BST1: variants seen among roughly 807,000 people sequenced by gnomAD.
The protein encoded by BST1 is bone marrow stromal cell antigen 1.
A neutral mutation model predicts 40.6 loss-of-function variants in BST1; 49 were observed. The ratio of observed to expected loss-of-function variants is 1.21; its 90% CI spans 0.96 to 1.53. The LOEUF is 1.53. BST1 is among the 40% of genes most tolerant of loss of function. The probability of loss-of-function intolerance (pLI) is 0.00; values close to 1 mark genes in which losing one functional copy is unlikely to be tolerated. For missense variants in BST1, 423 were observed against 395.9 expected (o/e 1.07, Z -0.58); for synonymous variants, 157 against 159.3 (o/e 0.99, Z 0.11).
the BST1 span, among the ~76,000 whole-genome samples, chr4:15,767,443 A>C: frequency 6.6e-6 from 1 of 151,932 alleles, no homozygotes; most frequent in Non-Finnish European, 1.5e-5. Flanking sequence ...AGCTGGGACT[A>C]CAGGCACGTG....
chr4:15,773,916 C>T, the BST1 span, among the ~76,000 whole-genome samples: 64 of 152,176 alleles, frequency 4.2e-4, no homozygotes, highest in Non-Finnish European at 7.9e-4. Flanking sequence ...TTTTTTTCTC[C>T]GTTATATTTA....
rs2302468 is a variant in BST1 at position 15,703,251 on chromosome 4, G to C, written c.107G>C (p.Gly36Ala). Reference protein sequence around the residue: ...AAGGARARWRGEGTSAHLRDI... With the variant: ...AAGGARARWRAEGTSAHLRDI... The stretch of plus-strand genomic sequence containing the variant: ...GGCGGGGCGCGCGCGCGGTGGCGCG[G>C]GGAGGGCACCAGCGCACACTTGCGG... The change falls in exon 1 of 9, where the codon GGG becomes GCG. Residue 36 changes from glycine (G) to alanine (A), a missense_variant. Gly to Ala is a moderately conservative substitution (Grantham distance 60). Transcript: ENST00000265016. 28,081 of 1,541,998 alleles carry C rather than the reference G, an allele frequency of 0.018. 1,583 individuals are homozygous for C. The East Asian group carries it at 0.22, about 12-fold the overall frequency.
chr4:15,707,870 T>TATAC (rs1719978807), intron 3 of BST1, among the ~76,000 whole-genome samples: 1 of 146,470 alleles, frequency 6.8e-6, no homozygotes, highest in South Asian at 2.1e-4. Flanking sequence ...TATATATATA[T>TATAC]ATATACACAT....
the BST1 span, among the ~76,000 whole-genome samples, chr4:15,754,040 G>A: frequency 6.6e-6 from 1 of 152,208 alleles, no homozygotes; most frequent in Admixed American, 6.5e-5. Flanking sequence ...CCAGGGCAGA[G>A]AGCCAAAGGG....
intron 4 of BST1, among the ~76,000 whole-genome samples, chr4:15,714,012 AT>A (rs368657775): frequency 1.4e-3 from 201 of 148,658 alleles, no homozygotes; most frequent in South Asian, 2.5e-3. Flanking sequence ...CTCTGCACAC[AT>A]TTTTTTTTTA....
exon 7 of BST1, chr4:15,737,886 G>A: frequency 8.7e-7 from 1 of 1,153,268 alleles, no homozygotes; most frequent in Non-Finnish European, 1.2e-6. Flanking sequence ...AATCTCCAGA[G>A]GCTCTGGCAA....
chr4:15,764,546 A>C, the BST1 span, among the ~76,000 whole-genome samples: 2 of 152,018 alleles, frequency 1.3e-5, no homozygotes, highest in African/African-American at 4.8e-5. Flanking sequence ...GGTGTTTGAA[A>C]TGCATATAAA....
chr4:15,714,768 T>C (rs1720417493), intron 4 of BST1, among the ~76,000 whole-genome samples: 1 of 152,234 alleles, frequency 6.6e-6, no homozygotes. Flanking sequence ...TGACTTACAC[T>C]GGCCAATCAG....
At position 15,727,786 on chromosome 4, in the gene BST1, A is replaced by C. The variant is rs538668024; in HGVS notation, c.852-3954A>C. 5.3e-5 allele frequency among the ~76,000 whole-genome samples: 8 copies of C among 152,148 alleles called. No individual in the cohort carries two copies. The South Asian group carries it at 1.7e-3, about 32-fold the overall frequency. Reference sequence around the variant, plus strand: ...ATTCCAAACAAGTGATTTGAAATGCACATACAGCCTATATGCTCAAATATG... The same window carrying C: ...ATTCCAAACAAGTGATTTGAAATGCCCATACAGCCTATATGCTCAAATATG... On this transcript the variant is annotated intron_variant, in intron 8 of 8. Transcript: ENST00000265016.
At chr4:15,708,965 A>G (rs998072138) in intron 3 of BST1, among the ~76,000 whole-genome samples, 1 of 152,196 alleles carries the variant, frequency 6.6e-6, no homozygotes, top group African/African-American at 2.4e-5. Flanking sequence ...TATAGTGTCT[A>G]CTATGTGCCA....
At chr4:15,728,948 G>T (rs988280988) in intron 8 of BST1, among the ~76,000 whole-genome samples, 1 of 152,046 alleles carries the variant, frequency 6.6e-6, no homozygotes. Flanking sequence ...GCTCAGCCAA[G>T]TAACTGATTT....
At chr4:15,733,017 T>C (rs534609318), downstream of BST1, among the ~76,000 whole-genome samples, 1 of 152,302 alleles carries the variant, frequency 6.6e-6, no homozygotes, top group South Asian at 2.1e-4. Context: ...GTTACAGCTA[T>C]TAAAGGTAGT....
the BST1 span, among the ~76,000 whole-genome samples, chr4:15,761,836 T>C: frequency 6.6e-6 from 1 of 152,006 alleles, no homozygotes; most frequent in Non-Finnish European, 1.5e-5. Context: ...TATAAATGAA[T>C]GAATGAGTGA....
intron 7 of BST1, among the ~76,000 whole-genome samples, chr4:15,721,849 G>A (rs1366894485): frequency 6.6e-6 from 1 of 151,684 alleles, no homozygotes; most frequent in African/African-American, 2.4e-5. Context: ...ACTACTGAAA[G>A]GTAGCTGAGT....
chr4:15,714,409 G>T (rs1024825941), intron 4 of BST1, among the ~76,000 whole-genome samples: 1 of 152,092 alleles, frequency 6.6e-6, no homozygotes, highest in Non-Finnish European at 1.5e-5. Flanking sequence ...GGAATTCCTG[G>T]ACTTCAGCCC....
the BST1 span, among the ~76,000 whole-genome samples, chr4:15,766,185 C>T: frequency 6.6e-6 from 1 of 151,878 alleles, no homozygotes; most frequent in African/African-American, 2.4e-5. Context: ...GCAAAACTGT[C>T]CCAAAAAATC....
chr4:15,755,255 C>T, the BST1 span, among the ~76,000 whole-genome samples: 104 of 152,262 alleles, frequency 6.8e-4, no homozygotes, highest in African/African-American at 2.4e-3. Flanking sequence ...TCTCCTGCCT[C>T]GGCCTCTTCA....
At chr4:15,762,605 A>G in the BST1 span, among the ~76,000 whole-genome samples, 1 of 151,944 alleles carries the variant, frequency 6.6e-6, no homozygotes, top group Non-Finnish European at 1.5e-5. Flanking sequence ...GCTAACCCCA[A>G]CTTCCTGACA....
At chr4:15,770,851 A>C in the BST1 span, among the ~76,000 whole-genome samples, 4 of 152,054 alleles carry the variant, frequency 2.6e-5, no homozygotes, top group African/African-American at 9.7e-5. Context: ...ACCTGATTCA[A>C]CTCTCAAAAG....
Sources: allele counts gnomAD v4.1 joint callset (sites outside exome capture counted in the v4.1 genomes callset), GRCh38; gene constraint gnomAD v4.1.1; transcripts MANE v1.5; gene names NCBI Gene and HGNC (gene_info 2026-07-23, HGNC 2026-07-21).